BTBD8: variants seen among roughly 807,000 people sequenced by gnomAD.
BTBD8 encodes BTB domain containing 8.
In BTBD8, 110 loss-of-function variants were observed where a neutral mutation model predicts 162.9. The observed-to-expected ratio is 0.68, with a 90% confidence interval of 0.58 to 0.79. The LOEUF (loss-of-function observed/expected upper bound fraction) is 0.79, where lower values mean the gene tolerates loss of function less well. Ranked by LOEUF, BTBD8 falls within the 30% of genes least tolerant of loss-of-function variation. The pLI is 0.00. For synonymous variants in BTBD8, 667 were observed against 716.1 expected (o/e 0.93, Z 1.10); for missense variants, 1,905 against 2,085.4 (o/e 0.91, Z 1.68).
At position 92,128,241 on chromosome 1, in the gene BTBD8, C is replaced by T. The variant is rs991177221; in HGVS notation, c.663-1446C>T. Among the ~76,000 whole-genome samples the T allele has an allele frequency of 1.3e-4, 19 of 151,832 alleles. No individual in the cohort carries two copies. In the East Asian group the frequency reaches 1.4e-3, roughly 11 times the overall value. ...AAGCCATTCTCCTGCCTCAGCCTCC[C>T]GAGTAGTTGGGATTACAGGCACCCG... On this transcript the variant is annotated intron_variant, in intron 4 of 17. Coordinates refer to ENST00000636805, the MANE Select transcript of BTBD8 (RefSeq NM_001376131.1).
At chr1:92,092,303 T>C (rs1648329234) in intron 2 of BTBD8, among the ~76,000 whole-genome samples, 1 of 150,826 alleles carries the variant, frequency 6.6e-6, no homozygotes, top group Admixed American at 6.6e-5. Context: ...CTCAGAAGGC[T>C]GAGGTAGGAG....
intron 9 of BTBD8, among the ~76,000 whole-genome samples, chr1:92,155,568 T>C (rs762009340): frequency 1.4e-4 from 21 of 152,174 alleles, no homozygotes; most frequent in Non-Finnish European, 2.4e-4. Flanking sequence ...GCCTCCCAAG[T>C]AGCTGGGATT....
In BTBD8 at chr1:92,184,085, T is replaced by G; in HGVS notation, c.5134T>G (p.Leu1712Val). 1 of 1,551,700 alleles carries G rather than the reference T, an allele frequency of 6.4e-7. No homozygotes were observed. The highest frequency in any genetic ancestry group is 8.7e-7 in the Non-Finnish European group (1 of 1,146,890). ...ACTGCTCTCTGAACAGGATTCAAACTTAGATGTTACAAATTCCGTTCCTGA... is the reference window on the plus strand; with the variant it reads ...ACTGCTCTCTGAACAGGATTCAAACGTAGATGTTACAAATTCCGTTCCTGA... ...KQLLSEQDSN[L>V]DVTNSVPEDL... is the part of the protein sequence containing the mutation. The change falls in exon 18 of 18, where the codon TTA becomes GTA. Residue 1712 changes from leucine (L) to valine (V), a missense_variant. Transcript: ENST00000636805.
chr1:92,120,536 A>G (rs1333443115), intron 4 of BTBD8, among the ~76,000 whole-genome samples: 1 of 152,246 alleles, frequency 6.6e-6, no homozygotes, highest in Non-Finnish European at 1.5e-5. Flanking sequence ...TTTATTATCA[A>G]GTATGTACTG....
chr1:92,172,955 C>T (rs563498583), intron 13 of BTBD8, among the ~76,000 whole-genome samples: 43 of 152,268 alleles, frequency 2.8e-4, no homozygotes, highest in African/African-American at 4.8e-5. Context: ...GACGGAGTTT[C>T]GCTCTTGTTG....
At chr1:92,158,863 C>T (rs1257257482) in intron 9 of BTBD8, among the ~76,000 whole-genome samples, 1 of 152,148 alleles carries the variant, frequency 6.6e-6, no homozygotes, top group Non-Finnish European at 1.5e-5. Flanking sequence ...GCAGCCTTGA[C>T]CTCCTGCCTC....
intron 13 of BTBD8, among the ~76,000 whole-genome samples, chr1:92,172,454 T>G (rs886496348): frequency 6.6e-6 from 1 of 152,226 alleles, no homozygotes; most frequent in Non-Finnish European, 1.5e-5. Context: ...GTTTGTTTGT[T>G]TTTGACCACC....
chr1:92,172,735 C>G (rs965283529), intron 13 of BTBD8, among the ~76,000 whole-genome samples: 1 of 152,174 alleles, frequency 6.6e-6, no homozygotes, highest in Admixed American at 6.5e-5. Context: ...GGAACTAATG[C>G]AGCTCCAAGC....
rs949040550 is a variant in BTBD8, at chr1:92,169,000, G to A, written c.1573+5G>A. 5.9e-6 allele frequency: 9 copies of A among 1,521,996 alleles called. No homozygotes were observed. Among genetic ancestry groups the A allele is most frequent in the African/African-American group, 4.1e-5 (3 of 72,764 alleles). 94.3% of individuals were successfully genotyped at this position (1,521,996 alleles called of 1,614,324 possible). A position where few individuals can be genotyped will look rare whatever the true frequency, so the allele number is the denominator to read the frequency against. On this transcript the variant is annotated splice_donor_5th_base_variant and intron_variant, in intron 12 of 17. Transcript: ENST00000636805. The stretch of plus-strand genomic sequence containing the variant: ...ATCAACAGAAAATCCAAGCAGGTAC[G>A]TTAGCCTTGAGATATTTCAATTCTT...
rs1385580913 is a variant in BTBD8 at position 92,180,247 on chromosome 1, C to T, written c.2582-18C>T. ...AGGTGATATTACATTACTGAATATA[C>T]CCTCTTACTTTTCTTAGGATCCCAA... On this transcript the variant is annotated intron_variant, in intron 16 of 17. Coordinates refer to ENST00000636805, the MANE Select transcript of BTBD8 (RefSeq NM_001376131.1). The T allele has an allele frequency of 2.0e-6, 3 of 1,503,470 alleles. No homozygotes were observed. The highest frequency in any genetic ancestry group is 1.8e-6 in the Non-Finnish European group (2 of 1,124,622). 93.1% of individuals were successfully genotyped at this position (1,503,470 alleles called of 1,614,324 possible).
At chr1:92,097,185 T>TC (rs1648475672) in intron 2 of BTBD8, among the ~76,000 whole-genome samples, 1 of 151,456 alleles carries the variant, frequency 6.6e-6, no homozygotes, top group African/African-American at 2.4e-5. Flanking sequence ...CACAGAAATT[T>TC]CTTCTGTCTT....
chr1:92,157,378 A>G (rs377051313), intron 9 of BTBD8, among the ~76,000 whole-genome samples: 4 of 152,200 alleles, frequency 2.6e-5, no homozygotes, highest in Non-Finnish European at 5.9e-5. Flanking sequence ...AAGAATGTAT[A>G]TTCTGCCCCT....
At position 92,176,878 on chromosome 1, in the gene BTBD8, G is replaced by A. The variant is rs1394988965; in HGVS notation, c.1685G>A (p.Arg562Lys). The A allele has an allele frequency of 6.7e-6, 10 of 1,481,714 alleles. No homozygotes were observed. Among genetic ancestry groups the A allele is most frequent in the South Asian group, 1.4e-5 (1 of 71,350 alleles). The allele number at this position is 1,481,714 out of a possible 1,614,324, so 91.8% of individuals were successfully genotyped here. A position where few individuals can be genotyped will look rare whatever the true frequency, so the allele number is the denominator to read the frequency against. ...DSGDIKIKSW[R>K]GNNKKECWSY... ...GGTGATATAAAAATCAAATCTTGGA[G>A]GGGAAATAACAAGAAAGAGTGTTGG... Residue 562 changes from arginine (R) to lysine (K), a missense_variant, in exon 14 of 18, where the codon AGG (arginine) becomes AAG (lysine). Transcript: ENST00000636805.
At chr1:92,107,321 T>TAC (rs754507949) in intron 3 of BTBD8, among the ~76,000 whole-genome samples, 2 of 152,202 alleles carry the variant, frequency 1.3e-5, no homozygotes, top group Non-Finnish European at 2.9e-5. Context: ...TTTAAAAGTG[T>TAC]ACAGTCATGT....
chr1:92,084,062 T>C (rs1438806832), intron 1 of BTBD8, among the ~76,000 whole-genome samples: 3 of 152,184 alleles, frequency 2.0e-5, no homozygotes, highest in East Asian at 1.9e-4. Context: ...CACCTAGTTA[T>C]CCAAATATGA....
At chr1:92,122,705 C>T (rs1649249678) in intron 4 of BTBD8, among the ~76,000 whole-genome samples, 1 of 152,062 alleles carries the variant, frequency 6.6e-6, no homozygotes, top group Non-Finnish European at 1.5e-5. Context: ...GCTGGGGTTA[C>T]AGGCGTGTGC....
At chr1:92,082,234 C>G (rs986704614) in intron 1 of BTBD8, among the ~76,000 whole-genome samples, 18 of 151,786 alleles carry the variant, frequency 1.2e-4, no homozygotes, top group African/African-American at 2.4e-5. Context: ...TAAAACAAAA[C>G]AAAACAAAAT....
In BTBD8 at chr1:92,177,828, G is replaced by A; in HGVS notation, c.2371G>A (p.Val791Ile). 6.5e-7 allele frequency: 1 copy of A among 1,538,584 alleles called. No individual in the cohort carries two copies. Among genetic ancestry groups the A allele is most frequent in the South Asian group, 1.2e-5 (1 of 83,634 alleles). Residue 791 changes from valine to isoleucine, a missense_variant, in exon 15 of 18, where the codon GTT becomes ATT. Val to Ile is a conservative substitution (Grantham distance 29). Coordinates refer to ENST00000636805, the MANE Select transcript of BTBD8 (RefSeq NM_001376131.1). ...NSTVAIKSRP[V>I]SRVTNGTSNK... ...ATTTATAGCCATAAAATCTCGACCT[G>A]TTTCAAGAGTTACCAATGGAACTTC...
intron 9 of BTBD8, among the ~76,000 whole-genome samples, chr1:92,148,958 A>G (rs995089497): frequency 6.6e-6 from 1 of 152,240 alleles, no homozygotes. Context: ...ATAGAAAGCT[A>G]TAAGAACCCA....
Sources: allele counts gnomAD v4.1 joint callset (sites outside exome capture counted in the v4.1 genomes callset), GRCh38; gene constraint gnomAD v4.1.1; transcripts MANE v1.5; gene names NCBI Gene and HGNC (gene_info 2026-07-23, HGNC 2026-07-21).